Variants in KCNK10 observed in about 807,000 individuals in gnomAD.
The protein encoded by KCNK10 is potassium channel subfamily K member 10.
Under a neutral mutation model 47.7 loss-of-function variants are expected in KCNK10, and 25 were observed. That is an observed-to-expected ratio of 0.52 (90% confidence interval 0.38 to 0.73). The LOEUF (loss-of-function observed/expected upper bound fraction) is 0.73, where lower values mean the gene tolerates loss of function less well. Among genes scored for constraint, KCNK10 ranks in the 30% least tolerant of loss-of-function variants. The pLI, the probability that KCNK10 is intolerant of heterozygous loss-of-function variation, is 0.00. For missense variants in KCNK10, 563 were observed against 714.5 expected (o/e 0.79, Z 2.42); for synonymous variants, 303 against 285.6 (o/e 1.06, Z -0.61).
At chr14:88,190,959 C>T (rs2139826010) in intron 5 of KCNK10, among the ~76,000 whole-genome samples, 1 of 152,246 alleles carries the variant, frequency 6.6e-6, no homozygotes, top group South Asian at 2.1e-4. Context: ...CAAACAAGAA[C>T]AGTCTGGCCA....
At chr14:88,242,953 T>C (rs1349014506) in intron 2 of KCNK10, among the ~76,000 whole-genome samples, 2 of 152,192 alleles carry the variant, frequency 1.3e-5, no homozygotes, top group African/African-American at 4.8e-5. Context: ...GAAGAGAGGT[T>C]AGGCTCACTC....
chr14:88,231,806 A>C (rs1886166899), intron 3 of KCNK10, among the ~76,000 whole-genome samples: 1 of 152,236 alleles, frequency 6.6e-6, no homozygotes, highest in Non-Finnish European at 1.5e-5. Context: ...ATACACTTGT[A>C]AATCTTTCCA....
intron 2 of KCNK10, among the ~76,000 whole-genome samples, chr14:88,257,142 A>G (rs977616131): frequency 1.3e-5 from 2 of 152,154 alleles, no homozygotes; most frequent in Admixed American, 6.6e-5. Flanking sequence ...ATCTCTCAGC[A>G]TCCCTCACCT....
chr14:88,223,706 TTTTG>T (rs1178338728), intron 4 of KCNK10, among the ~76,000 whole-genome samples: 1 of 152,160 alleles, frequency 6.6e-6, no homozygotes, highest in Admixed American at 6.5e-5. Context: ...TAAAAGGCGT[TTTTG>T]TTTGTTTGTT....
chr14:88,247,964 T>G (rs1216489196), intron 2 of KCNK10, among the ~76,000 whole-genome samples: 1 of 152,180 alleles, frequency 6.6e-6, no homozygotes, highest in Non-Finnish European at 1.5e-5. Flanking sequence ...TCAAGTCCAC[T>G]AAGGAATCAG....
intron 1 of KCNK10, among the ~76,000 whole-genome samples, chr14:88,279,364 C>CGTGTGT (rs58319931): frequency 0.038 from 5,213 of 137,628 alleles, 159 homozygotes; most frequent in Middle Eastern, 0.058. Context: ...TTGCCAGATA[C>CGTGTGT]GTGTGTGTGT....
At chr14:88,237,296 C>A (rs1171160534) in intron 3 of KCNK10, among the ~76,000 whole-genome samples, 1 of 152,194 alleles carries the variant, frequency 6.6e-6, no homozygotes, top group Non-Finnish European at 1.5e-5. Flanking sequence ...CTAATTCCAA[C>A]ACATCAGCAG....
intron 4 of KCNK10, among the ~76,000 whole-genome samples, chr14:88,194,435 G>A (rs1884844249): frequency 6.6e-6 from 1 of 152,198 alleles, no homozygotes; most frequent in South Asian, 2.1e-4. Context: ...GGCAATGGGA[G>A]TACCATTCCT....
At chr14:88,220,400 G>A (rs1885763960) in intron 4 of KCNK10, among the ~76,000 whole-genome samples, 1 of 100,376 alleles carries the variant, frequency 1.0e-5, no homozygotes, top group Admixed American at 1.6e-4. Context: ...CTGGGCGACA[G>A]AGCGAGACTC....
chr14:88,293,866 A>G (rs12590800), intron 1 of KCNK10, among the ~76,000 whole-genome samples: 31,850 of 151,732 alleles, frequency 0.21, 4,019 homozygotes, highest in East Asian at 0.53. Flanking sequence ...TTTTTTAGAG[A>G]TAGGGTCTCA....
At chr14:88,189,746 T>C (rs1053935404) in intron 5 of KCNK10, among the ~76,000 whole-genome samples, 1 of 152,216 alleles carries the variant, frequency 6.6e-6, no homozygotes, top group African/African-American at 2.4e-5. Flanking sequence ...GTTCATACTA[T>C]GTCGAATCAC....
intron 1 of KCNK10, among the ~76,000 whole-genome samples, chr14:88,291,647 C>T (rs1270158757): frequency 6.6e-6 from 1 of 152,148 alleles, no homozygotes; most frequent in Non-Finnish European, 1.5e-5. Flanking sequence ...AGAGATTTGT[C>T]TGAACTCAGG....
intron 1 of KCNK10, among the ~76,000 whole-genome samples, chr14:88,313,110 A>G (rs184292289): frequency 6.6e-6 from 1 of 152,290 alleles, no homozygotes; most frequent in East Asian, 1.9e-4. Context: ...TGACTAGGTA[A>G]CTTTGGGCAA....
chr14:88,265,870 A>G (rs1291908021), intron 1 of KCNK10, among the ~76,000 whole-genome samples: 4 of 152,096 alleles, frequency 2.6e-5, no homozygotes, highest in Admixed American at 6.5e-5. Flanking sequence ...TTTGCTCCTC[A>G]TTTACCCTCC....
At chr14:88,310,149 A>C (rs1014697650) in intron 1 of KCNK10, among the ~76,000 whole-genome samples, 1 of 28,312 alleles carries the variant, frequency 3.5e-5, no homozygotes, top group African/African-American at 9.7e-5. Flanking sequence ...TTTAATCCAT[A>C]TCTCTCTCAT....
At chr14:88,259,301 G>T (rs776885054) in intron 2 of KCNK10, among the ~76,000 whole-genome samples, 1 of 152,170 alleles carries the variant, frequency 6.6e-6, no homozygotes, top group African/African-American at 2.4e-5. Flanking sequence ...AGTTAAACCT[G>T]CTTAACTTAT....
intron 3 of KCNK10, among the ~76,000 whole-genome samples, chr14:88,236,663 C>G (rs1186927104): frequency 6.6e-6 from 1 of 152,186 alleles, no homozygotes; most frequent in Non-Finnish European, 1.5e-5. Flanking sequence ...TTCAGACCAC[C>G]ACAATAAAAT....
intron 3 of KCNK10, among the ~76,000 whole-genome samples, chr14:88,237,610 T>C (rs138285359): frequency 2.6e-5 from 4 of 152,316 alleles, no homozygotes; most frequent in African/African-American, 4.8e-5. Flanking sequence ...TTAGCAAGCA[T>C]GAAAACAACA....
At chr14:88,279,734 T>C (rs1048247766) in intron 1 of KCNK10, among the ~76,000 whole-genome samples, 1 of 152,058 alleles carries the variant, frequency 6.6e-6, no homozygotes, top group Admixed American at 6.5e-5. Context: ...AGTACTAAAC[T>C]GGGTGATATG....
Sources: allele counts gnomAD v4.1 joint callset (sites outside exome capture counted in the v4.1 genomes callset), GRCh38; gene constraint gnomAD v4.1.1; transcripts MANE v1.5; gene names NCBI Gene and HGNC (gene_info 2026-07-23, HGNC 2026-07-21).